The following AHNAK2 variants were observed in gnomAD, a reference collection of about 807,000 sequenced individuals.
AHNAK2 encodes the protein protein AHNAK2.
In AHNAK2, 18 loss-of-function variants were observed where a neutral mutation model predicts 30.7. The observed-to-expected ratio is 0.59, with a 90% CI of 0.41 to 0.87. The LOEUF (loss-of-function observed/expected upper bound fraction) is 0.87. AHNAK2 is among the 40% of genes least tolerant of loss of function. The pLI, the probability that AHNAK2 is intolerant of heterozygous loss-of-function variation, is 0.00. For missense variants in AHNAK2, 8,604 were observed against 7,373.0 expected (o/e 1.17, Z -6.11); for synonymous variants, 3,590 against 3,073.8 (o/e 1.17, Z -5.56).
chr14:104,957,376 T>C, intron 3 of AHNAK2, 34 bp downstream of exon 3: 1 of 1,541,516 alleles, frequency 6.5e-7, no homozygotes, highest in Admixed American at 2.0e-5. Flanking sequence ...GGAGGAGACC[T>C]GGGTGCCTGT....
rs369396911 is a variant in AHNAK2, at chr14:104,952,475, A to T, written c.2976T>A (p.Thr992=). Residue 992 remains threonine, a synonymous_variant, in exon 7 of 7, where the codon ACT becomes ACA. Coordinates refer to ENST00000333244, the MANE Select transcript of AHNAK2 (RefSeq NM_138420.4). ...GDLSLADKDV[T]AKDSKFKMPK... ...GCATTTTGAACTTGCTGTCTTTGGCAGTCACGTCCTTGTCGGCCAGGGACA... is the reference window on the plus strand; with the variant it reads ...GCATTTTGAACTTGCTGTCTTTGGCTGTCACGTCCTTGTCGGCCAGGGACA... The T allele has an allele frequency of 6.2e-6, 10 of 1,612,390 alleles. No homozygotes were observed. The highest frequency in any genetic ancestry group is 3.3e-5 in the Admixed American group (2 of 59,880).
rs757023643 is a variant in AHNAK2 at position 104,941,627 on chromosome 14, C to T, written c.13824G>A (p.Ala4608=). ...VQAPGSMLDG[A]RLEGDLSLAH... ...CCAGGGACAGGTCCCCCTCAAGCCG[C>T]GCACCATCCAGCATGGATCCTGGGG... The change falls in exon 7 of 7, where the codon GCG becomes GCA. Residue 4608 remains alanine (A), a synonymous_variant. Transcript: ENST00000333244. 1.4e-5 allele frequency: 22 copies of T among 1,613,450 alleles called. No homozygotes were observed. Among genetic ancestry groups the T allele is most frequent in the African/African-American group, 2.7e-5 (2 of 74,896 alleles).
Position 104,939,526 on chromosome 14 carries a change from G to A in AHNAK2, c.15925C>T (p.Gln5309Ter). 6.2e-7 allele frequency: 1 copy of A among 1,613,818 alleles called. No individual in the cohort carries two copies. The highest frequency in any genetic ancestry group is 8.5e-7 in the Non-Finnish European group (1 of 1,179,882). ...TCTGGAAGCCTCATGCCAGGCATCT[G>A]AAAAGGGAGAGGTCCTTTGGATGGA... ...IHPSKGPLPFQMPGMRLPETQ... is the reference protein window; with the variant it reads ...IHPSKGPLPF Residue 5309 changes from glutamine to a stop codon, truncating the protein, a stop_gained, in exon 7 of 7, where the codon CAG becomes TAG. Transcript: ENST00000333244. LOFTEE classifies it low-confidence loss of function (END_TRUNC).
In AHNAK2 at chr14:104,944,952, G is replaced by C. The variant is rs374100559; in HGVS notation, c.10499C>G (p.Ala3500Gly). Residue 3500 changes from alanine to glycine, a missense_variant, in exon 7 of 7, where the codon GCG becomes GGG. By Grantham distance (60) the Ala-to-Gly change is moderately conservative. Coordinates refer to ENST00000333244, the MANE Select transcript of AHNAK2 (RefSeq NM_138420.4). The part of the protein sequence containing the change: ...RSIEASLDVS[A>G]PKVEADVSLS... Reference sequence around the variant, plus strand: ...GCTCACGTCGGCCTCCACCTTCGGCGCAGACACATCCAGCGAGGCCTCGAT... The same window carrying C: ...GCTCACGTCGGCCTCCACCTTCGGCCCAGACACATCCAGCGAGGCCTCGAT... 4 of 1,613,064 alleles carry C rather than the reference G, an allele frequency of 2.5e-6. No homozygotes were observed. Among genetic ancestry groups the C allele is most frequent in the Non-Finnish European group, 3.4e-6 (4 of 1,179,648 alleles).
chr14:104,972,742 A>G (rs112292837), intron 1 of AHNAK2, among the ~76,000 whole-genome samples: 1 of 151,856 alleles, frequency 6.6e-6, no homozygotes, highest in Non-Finnish European at 1.5e-5. Context: ...CCCTCTCCAG[A>G]CTCTAAGCAC....
At position 104,954,125 on chromosome 14, in the gene AHNAK2, T is replaced by C. The variant is rs1292508111; in HGVS notation, c.1326A>G (p.Pro442=). 6.2e-7 allele frequency: 1 copy of C among 1,611,778 alleles called. No individual in the cohort carries two copies. The highest frequency in any genetic ancestry group is 1.7e-5 in the Admixed American group (1 of 60,000). ...AVAQRKPRAQ[P]TPGMSREGEG... ...CACCCTCCCGGCTCATTCCAGGAGT[T>C]GGCTGGGCCCTGGGCTTCCTCTGGG... Residue 442 remains proline (P), a synonymous_variant, in exon 7 of 7, where the codon CCA becomes CCG. Coordinates refer to ENST00000333244, the MANE Select transcript of AHNAK2 (RefSeq NM_138420.4). The surrounding 1 kb of genome is among the most constrained non-coding windows in gnomAD (Gnocchi z 4.3).
At position 104,946,139 on chromosome 14, in the gene AHNAK2, C is replaced by T. The variant is rs1340233235; in HGVS notation, c.9312G>A (p.Val3104=). Residue 3104 remains valine (V), a synonymous_variant, in exon 7 of 7, where the codon GTG becomes GTA. Coordinates refer to ENST00000333244, the MANE Select transcript of AHNAK2 (RefSeq NM_138420.4). The stretch of plus-strand genomic sequence containing the variant: ...CATCCACCTCCATGCCGGGCTGAGA[C>T]ACCTCCACGTCGGGGGCCGTCACGT... ...KTDVTAPDVE[V]SQPGMEVDVE... 6 of 1,612,366 alleles carry T rather than the reference C, an allele frequency of 3.7e-6. No homozygotes were observed. Among genetic ancestry groups the T allele is most frequent in the Admixed American group, 1.7e-5 (1 of 59,854 alleles).
At chr14:104,968,168 TA>T (rs775449847) in intron 1 of AHNAK2, among the ~76,000 whole-genome samples, 30 of 152,300 alleles carry the variant, frequency 2.0e-4, no homozygotes, top group Admixed American at 4.6e-4. Flanking sequence ...GCCTCAACAC[TA>T]CCATTAACAT....
Position 104,948,164 on chromosome 14 carries a change from G to C in AHNAK2, c.7287C>G (p.Asp2429Glu). ...PQIDVKGPKL[D>E]LKGPKTDVMA... ...TCACGTCCGTCTTGGGGCCTTTCAG[G>C]TCCAGCTTGGGGCCCTTGACATCTA... is the stretch of plus-strand genomic sequence containing the variant. The change falls in exon 7 of 7, where the codon GAC becomes GAG. Residue 2429 changes from aspartate (D) to glutamate (E), a missense_variant. Coordinates refer to ENST00000333244, the MANE Select transcript of AHNAK2 (RefSeq NM_138420.4). 2 of 1,612,490 alleles carry C rather than the reference G, an allele frequency of 1.2e-6. No individual in the cohort carries two copies. The highest frequency in any genetic ancestry group is 1.7e-6 in the Non-Finnish European group (2 of 1,179,554).
chr14:104,938,692 G>T lies in AHNAK2; in HGVS notation c.16759C>A (p.Gln5587Lys), dbSNP rs1162067684. The T allele has an allele frequency of 3.1e-6, 5 of 1,613,064 alleles. No homozygotes were observed. Among genetic ancestry groups the T allele is most frequent in the Non-Finnish European group, 4.2e-6 (5 of 1,179,564 alleles). ...ISSSVNVLGQ[Q>K]TLTFEVPSGH... ...GAAGGAACTTCAAATGTGAGTGTTTGCTGTCCCAGTACATTGACGCTGGAA... is the reference window on the plus strand; with the variant it reads ...GAAGGAACTTCAAATGTGAGTGTTTTCTGTCCCAGTACATTGACGCTGGAA... Residue 5587 changes from glutamine (Q) to lysine (K), a missense_variant, in exon 7 of 7, where the codon CAA (glutamine) becomes AAA (lysine). Gln to Lys is a moderately conservative substitution (Grantham distance 53, BLOSUM62 1). Coordinates refer to ENST00000333244, the MANE Select transcript of AHNAK2 (RefSeq NM_138420.4).
chr14:104,952,669 T>A lies in AHNAK2; in HGVS notation c.2782A>T (p.Lys928Ter). The A allele has an allele frequency of 1.2e-6, 2 of 1,612,510 alleles. No homozygotes were observed. The highest frequency in any genetic ancestry group is 1.7e-6 in the Non-Finnish European group (2 of 1,179,562). ...ATCTGGGGGCCCTTGAGGTCCACTT[T>A]GGGCATCTTGAAACTGGGCATCTCC... The part of the protein sequence containing the change: ...KVEMPSFKMP[K>*]VDLKGPQIDV... The change falls in exon 7 of 7, where the codon AAA becomes TAA. Residue 928 changes from lysine (K) to a stop codon, truncating the protein, a stop_gained. Transcript: ENST00000333244. LOFTEE classifies it low-confidence loss of function (END_TRUNC).
rs747864813 is a variant in AHNAK2 at position 104,939,459 on chromosome 14, G to A, written c.15992C>T (p.Ser5331Phe). Residue 5331 changes from serine to phenylalanine, a missense_variant, in exon 7 of 7, where the codon TCC becomes TTC. By Grantham distance (155) the Ser-to-Phe change is radical. Transcript: ENST00000333244. ...GCTGGCAAGGTCATGTCCTGGCTTG[G>A]AAAGAGGAGTCTCATCTATTTCTCC... Reference protein sequence around the residue: ...LPGEIDETPLSKPGHDLASME... With the variant: ...LPGEIDETPLFKPGHDLASME... The A allele has an allele frequency of 1.2e-6, 2 of 1,613,386 alleles. No individual in the cohort carries two copies. Among genetic ancestry groups the A allele is most frequent in the Non-Finnish European group, 1.7e-6 (2 of 1,179,752 alleles).
rs187482818 is a variant in AHNAK2, at chr14:104,946,301, G to C, written c.9150C>G (p.His3050Gln). 564 of 1,611,934 alleles carry C rather than the reference G, an allele frequency of 3.5e-4. No homozygotes were observed. Among genetic ancestry groups the C allele is most frequent in the Middle Eastern group, 8.3e-4 (5 of 6,044 alleles). The change falls in exon 7 of 7, where the codon CAC becomes CAG. Residue 3050 changes from histidine (H) to glutamine (Q), a missense_variant. His to Gln is a conservative substitution (Grantham distance 24). Transcript: ENST00000333244. ...GQVDLKLPEG[H>Q]VPEGAGLKGH... The stretch of plus-strand genomic sequence containing the variant: ...CTTTGAGGCCAGCTCCCTCGGGAAC[G>C]TGGCCCTCTGGGAGCTTCAGGTCCA...
Position 104,947,652 on chromosome 14 carries a change from G to C in AHNAK2, c.7799C>G (p.Ala2600Gly), listed in dbSNP as rs376661887. Residue 2600 changes from alanine to glycine, a missense_variant, in exon 7 of 7, where the codon GCG (alanine) becomes GGG (glycine). Transcript: ENST00000333244. ...GPKLDLKGPK[A>G]EVTAPDVEMS... ...CTCCACATCGGGGGCTGTCACTTCCGCCTTGGGGCCTTTCAGGTCCAGCTT... is the reference window on the plus strand; with the variant it reads ...CTCCACATCGGGGGCTGTCACTTCCCCCTTGGGGCCTTTCAGGTCCAGCTT... 1 of 1,612,884 alleles carries C rather than the reference G, an allele frequency of 6.2e-7. No homozygotes were observed. The highest frequency in any genetic ancestry group is 1.3e-5 in the African/African-American group (1 of 74,540).
intron 1 of AHNAK2, among the ~76,000 whole-genome samples, chr14:104,976,292 G>A (rs568542885): frequency 1.8e-4 from 28 of 152,330 alleles, no homozygotes; most frequent in African/African-American, 5.3e-4. Flanking sequence ...CCAGGGGGCA[G>A]CCTCGGCACA....
rs750893267 is a variant in AHNAK2, at chr14:104,952,856, G to A, written c.2595C>T (p.Ala865=). 2.9e-5 allele frequency: 47 copies of A among 1,612,130 alleles called. 1 individual carries two copies. Among genetic ancestry groups the A allele is most frequent in the South Asian group, 2.6e-4 (24 of 91,000 alleles). The change falls in exon 7 of 7, where the codon GCC becomes GCT. Residue 865 remains alanine (A), a synonymous_variant. Transcript: ENST00000333244. ...SVDVSAPKVE[A]DVSLSSMQGD... Reference sequence around the variant, plus strand: ...CCTGCATGGAGGAGAGGCTCACGTCGGCCTCCACCTTCGGCGCAGACACAT... The same window carrying A: ...CCTGCATGGAGGAGAGGCTCACGTCAGCCTCCACCTTCGGCGCAGACACAT...
In AHNAK2 at chr14:104,940,995, TC is replaced by T. The variant is rs1454471425; in HGVS notation, c.14455del (p.Asp4819IlefsTer31). 6.2e-7 allele frequency: 1 copy of T among 1,613,168 alleles called. No homozygotes were observed. Among genetic ancestry groups the T allele is most frequent in the Non-Finnish European group, 8.5e-7 (1 of 1,179,896 alleles). On this transcript the variant is annotated frameshift_variant, in exon 7 of 7. Coordinates refer to ENST00000333244, the MANE Select transcript of AHNAK2 (RefSeq NM_138420.4). LOFTEE classifies it low-confidence loss of function (END_TRUNC). The surrounding 1 kb of genome is among the most constrained non-coding windows in gnomAD (Gnocchi z 4.4). ...GCACTCTGTCTTGGGAAGAGGAATATCAGCCTGAGACCCAGAAGGAATTTCC... is the reference window on the plus strand; with the variant it reads ...GCACTCTGTCTTGGGAAGAGGAATATAGCCTGAGACCCAGAAGGAATTTCC... ...ALEIPSGSQA[D>X]IPLPKTECST... is the part of the protein sequence containing the mutation.
chr14:104,949,620 G>T lies in AHNAK2; in HGVS notation c.5831C>A (p.Ala1944Asp), dbSNP rs200381741. ...DLKGPKAEVT[A>D]PDVEVSLPSM... ...GGGCAGAGACACCTCGACATCGGGGGCTGTCACTTCCGCCTTGGGGCCTTT... is the reference window on the plus strand; with the variant it reads ...GGGCAGAGACACCTCGACATCGGGGTCTGTCACTTCCGCCTTGGGGCCTTT... Residue 1944 changes from alanine to aspartate, a missense_variant, in exon 7 of 7, where the codon GCC (alanine) becomes GAC (aspartate). Physicochemically the swap from Ala to Asp is moderately radical, Grantham distance 126. Coordinates refer to ENST00000333244, the MANE Select transcript of AHNAK2 (RefSeq NM_138420.4). 271 of 1,588,600 alleles carry T rather than the reference G, an allele frequency of 1.7e-4. 22 individuals carry two copies. The African/African-American group carries it at 3.2e-3, about 18-fold the overall frequency.
At position 104,948,985 on chromosome 14, in the gene AHNAK2, G is replaced by A. The variant is rs779420822; in HGVS notation, c.6466C>T (p.Pro2156Ser). 2.4e-6 allele frequency: 3 copies of A among 1,244,766 alleles called. 1 individual carries two copies. Among genetic ancestry groups the A allele is most frequent in the East Asian group, 4.5e-5 (2 of 44,184 alleles). 77.1% of individuals were successfully genotyped at this position (1,244,766 alleles called of 1,614,324 possible). Residue 2156 changes from proline to serine, a missense_variant, in exon 7 of 7, where the codon CCC becomes TCC. Pro to Ser is a moderately conservative substitution (Grantham distance 74). Coordinates refer to ENST00000333244, the MANE Select transcript of AHNAK2 (RefSeq NM_138420.4). ...LTTKDSKFKM[P>S]KFKMPSFGVS... ...CCAAACGACGGCATCTTGAACTTGG[G>A]CATTTTGAACTTGCTGTCTTTGGTA...
Sources: gnomAD v4.1 joint callset for allele counts (sites outside exome capture counted in the v4.1 genomes callset) on GRCh38, gnomAD v4.1.1 for gene constraint, Gnocchi (gnomAD v3.1) non-coding constraint, MANE v1.5 for transcripts, NCBI Gene and HGNC (gene_info 2026-07-23, HGNC 2026-07-21) for gene names.